ADAM7: variants seen among roughly 807,000 people sequenced by gnomAD.
ADAM7 encodes ADAM metallopeptidase domain 7, also known as disintegrin and metalloproteinase domain-containing protein 7.
In ADAM7, 97 loss-of-function variants were observed where a neutral mutation model predicts 102.9. The ratio of observed to expected loss-of-function variants is 0.94; its 90% confidence interval spans 0.80 to 1.12. ADAM7 has a LOEUF of 1.12. ADAM7 is among the 50% of genes most tolerant of loss of function. ADAM7 has a pLI of 0.00. For missense variants in ADAM7, 991 were observed against 908.7 expected (o/e 1.09, Z -1.16); for synonymous variants, 334 against 304.4 (o/e 1.10, Z -1.01).
At chr8:24,493,456 T>G (rs1295160844) in intron 16 of ADAM7, among the ~76,000 whole-genome samples, 2 of 149,440 alleles carry the variant, frequency 1.3e-5, no homozygotes, top group African/African-American at 5.0e-5. Flanking sequence ...TGTGCTTAAT[T>G]AGTAAAACTT....
At chr8:24,471,061 G>GT (rs1418303539) in intron 7 of ADAM7, among the ~76,000 whole-genome samples, 1 of 151,798 alleles carries the variant, frequency 6.6e-6, no homozygotes, top group Non-Finnish European at 1.5e-5. Flanking sequence ...AATGTGTGTG[G>GT]TTTTTGTCTT....
intron 3 of ADAM7, among the ~76,000 whole-genome samples, chr8:24,462,591 T>G (rs1162712891): frequency 2.0e-5 from 3 of 152,186 alleles, no homozygotes; most frequent in Non-Finnish European, 4.4e-5. Flanking sequence ...TCTGCCTGCT[T>G]TTGCTCGGTA....
In ADAM7 at chr8:24,485,297, A is replaced by G. The variant is rs759379831; in HGVS notation, c.896A>G (p.His299Arg). 6.2e-7 allele frequency: 1 copy of G among 1,613,562 alleles called. No individual in the cohort carries two copies. The highest frequency in any genetic ancestry group is 8.5e-7 in the Non-Finnish European group (1 of 1,179,714). The change falls in exon 10 of 22, where the codon CAT (histidine) becomes CGT (arginine). Residue 299 changes from histidine to arginine, a missense_variant. His to Arg is a conservative substitution (Grantham distance 29, BLOSUM62 0). Transcript: ENST00000175238. ...VLLSGKWLYS[H>R]VQGISYPGGM... Reference sequence around the variant, plus strand: ...CATAGTGGGAAGTGGCTCTACTCACATGTGCAAGGAATTTCTTATCCAGGG... The same window carrying G: ...CATAGTGGGAAGTGGCTCTACTCACGTGTGCAAGGAATTTCTTATCCAGGG...
intron 20 of ADAM7, among the ~76,000 whole-genome samples, chr8:24,506,753 GCACACACACACACACACA>G (rs71549838): frequency 4.2e-5 from 6 of 144,292 alleles, no homozygotes; most frequent in African/African-American, 1.5e-4. Flanking sequence ...CTGAGTCAAA[GCACACACACACACACACA>G]CACACACACA....
intron 8 of ADAM7, among the ~76,000 whole-genome samples, chr8:24,477,129 T>G (rs2129386447): frequency 6.6e-6 from 1 of 152,338 alleles, no homozygotes; most frequent in African/African-American, 2.4e-5. Flanking sequence ...TTTGTAGTTT[T>G]TGGCTATTGT....
intron 17 of ADAM7, 110 bp from the exon 18 acceptor site, chr8:24,500,068 T>G: frequency 1.2e-6 from 1 of 817,658 alleles, no homozygotes; most frequent in Non-Finnish European, 1.8e-6. Context: ...AAGTTCGCGC[T>G]TGTGCTTGTG....
chr8:24,465,841 T>G, intron 5 of ADAM7, 66 bp downstream of exon 5: 1 of 1,297,038 alleles, frequency 7.7e-7, no homozygotes, highest in East Asian at 2.4e-5. Context: ...AAGTTAACTT[T>G]GTTGATTTTG....
intron 20 of ADAM7, among the ~76,000 whole-genome samples, chr8:24,507,021 C>A (rs78773599): frequency 0.021 from 3,130 of 152,186 alleles, 121 homozygotes; most frequent in African/African-American, 0.072. Context: ...TGCAGAGAAT[C>A]CTCAGATCAC....
At chr8:24,460,764 TG>T (rs1819212645) in intron 3 of ADAM7, among the ~76,000 whole-genome samples, 1 of 133,394 alleles carries the variant, frequency 7.5e-6, no homozygotes, top group Admixed American at 7.2e-5. Context: ...TGTGTGTGTG[TG>T]TGTATATATA....
chr8:24,441,714 A>AC (rs1282998672), intron 1 of ADAM7, among the ~76,000 whole-genome samples: 1 of 152,218 alleles, frequency 6.6e-6, no homozygotes, highest in African/African-American at 2.4e-5. Context: ...ATGCAGGGCT[A>AC]CCCAAAATTC....
At chr8:24,476,609 T>G in intron 8 of ADAM7, 105 bp downstream of exon 8, 1 of 764,382 alleles carries the variant, frequency 1.3e-6, no homozygotes. Context: ...ATTAAGGGAG[T>G]ACAAAGCACA....
In ADAM7 at chr8:24,482,299, T is replaced by C. The variant is rs1392058067; in HGVS notation, c.863T>C (p.Val288Ala). ...AAAACACGGAAGGATTTTGATCATG[T>C]TGTATTACTCAGGTTGGTGATTGCT... Reference protein sequence around the residue: ...ILKTRKDFDHVVLLSGKWLYS... With the variant: ...ILKTRKDFDHAVLLSGKWLYS... Residue 288 changes from valine to alanine, a missense_variant, in exon 9 of 22, where the codon GTT becomes GCT. Physicochemically the swap from Val to Ala is moderately conservative, Grantham distance 64 (BLOSUM62 0). Coordinates refer to ENST00000175238, the MANE Select transcript of ADAM7 (RefSeq NM_003817.4). 2 of 1,610,372 alleles carry C rather than the reference T, an allele frequency of 1.2e-6. No individual in the cohort carries two copies. The highest frequency in any genetic ancestry group is 2.7e-5 in the African/African-American group (2 of 74,680).
intron 13 of ADAM7, among the ~76,000 whole-genome samples, chr8:24,491,460 C>T (rs573444631): frequency 6.6e-6 from 1 of 152,268 alleles, no homozygotes; most frequent in South Asian, 2.1e-4. Flanking sequence ...CTATGCAGTT[C>T]CCTCTAGCAG....
rs138035958 is a variant in ADAM7 at position 24,499,775 on chromosome 8, A to T, written c.1924-403A>T. On this transcript the variant is annotated intron_variant, in intron 17 of 21. Coordinates refer to ENST00000175238, the MANE Select transcript of ADAM7 (RefSeq NM_003817.4). ...CTAACATCGCTCATAAGCTGGGTTA[A>T]TCAGTAACACTTATATAGTAATACA... is the stretch of plus-strand genomic sequence containing the variant. Among the ~76,000 whole-genome samples the T allele has an allele frequency of 4.5e-3, 669 of 148,400 alleles. 6 individuals are homozygous for T. The highest frequency in any genetic ancestry group is 0.016 in the African/African-American group (639 of 40,694).
intron 3 of ADAM7, among the ~76,000 whole-genome samples, chr8:24,452,501 T>C (rs1416516279): frequency 6.6e-6 from 1 of 152,032 alleles, no homozygotes; most frequent in African/African-American, 2.4e-5. Context: ...TCCGTTTGTT[T>C]GGTAGATCTT....
At chr8:24,468,878 C>T in intron 7 of ADAM7, 58 bp downstream of exon 7, 4 of 1,458,578 alleles carry the variant, frequency 2.7e-6, no homozygotes, top group Middle Eastern at 1.8e-4. Context: ...TTGTAGTTAT[C>T]ATTCTAGCAT....
In ADAM7 at chr8:24,500,164, G is replaced by A; in HGVS notation, c.1924-14G>A. 6.2e-7 allele frequency: 1 copy of A among 1,604,776 alleles called. No homozygotes were observed. The highest frequency in any genetic ancestry group is 8.5e-7 in the Non-Finnish European group (1 of 1,174,112). On this transcript the variant is annotated splice_polypyrimidine_tract_variant and intron_variant, in intron 17 of 21. Transcript: ENST00000175238. The stretch of plus-strand genomic sequence containing the variant: ...ATCAGTCATTTGAGAATATATCATT[G>A]ACTGCTCTTCCAGGTGGATGGCCAC...
chr8:24,452,455 A>C (rs13280798), intron 3 of ADAM7, among the ~76,000 whole-genome samples: 38,865 of 148,522 alleles, frequency 0.26, 5,805 homozygotes, highest in South Asian at 0.37. Flanking sequence ...CTGTTTTATC[A>C]GAGACTAGGA....
At chr8:24,475,014 A>G (rs190195208) in intron 7 of ADAM7, among the ~76,000 whole-genome samples, 2 of 152,302 alleles carry the variant, frequency 1.3e-5, no homozygotes, top group Admixed American at 6.5e-5. Flanking sequence ...AGAAGTTTAT[A>G]TATCTCCACA....
Sources: gnomAD v4.1 joint callset for allele counts (sites outside exome capture counted in the v4.1 genomes callset) on GRCh38, gnomAD v4.1.1 for gene constraint, MANE v1.5 for transcripts, NCBI Gene and HGNC (gene_info 2026-07-23, HGNC 2026-07-21) for gene names.